DENND2A: variants seen among roughly 807,000 people sequenced by gnomAD.
DENND2A encodes the protein DENN domain containing 2A, also known as DENN domain-containing protein 2A.
In DENND2A, 53 loss-of-function variants were observed where a neutral mutation model predicts 105.3. The observed-to-expected ratio is 0.50, with a 90% confidence interval of 0.40 to 0.63. The LOEUF (loss-of-function observed/expected upper bound fraction) is 0.63, where lower values mean the gene tolerates loss of function less well. DENND2A is among the 30% of genes least tolerant of loss of function. The pLI is 0.00. For synonymous variants in DENND2A, 522 were observed against 508.4 expected (o/e 1.03, Z -0.36); for missense variants, 1,138 against 1,279.6 (o/e 0.89, Z 1.69).
At chr7:140,594,576 C>T (rs955946556) in intron 3 of DENND2A, among the ~76,000 whole-genome samples, 1 of 152,196 alleles carries the variant, frequency 6.6e-6, no homozygotes, top group Non-Finnish European at 1.5e-5. Context: ...GTTATGATCA[C>T]GACACCAGCT....
intron 5 of DENND2A, among the ~76,000 whole-genome samples, chr7:140,575,277 G>T (rs117550186): frequency 0.023 from 3,545 of 152,206 alleles, 52 homozygotes; most frequent in South Asian, 0.043. Context: ...CTCCATTAAA[G>T]AAACATTTTT....
chr7:140,628,333 T>A lies in DENND2A; in HGVS notation c.-248+12171A>T, dbSNP rs1042926948. 2.6e-5 allele frequency among the ~76,000 whole-genome samples: 4 copies of A among 152,190 alleles called. 1 individual carries two copies. The highest frequency in any genetic ancestry group is 9.7e-5 in the African/African-American group (4 of 41,446). On this transcript the variant is annotated intron_variant, in intron 1 of 19. Transcript: ENST00000496613. ...TGTTAGTCCTCAGTTGCACTGGCTATGGTGCCAACTGTGAAAGTAAGGCGG... is the reference window on the plus strand; with the variant it reads ...TGTTAGTCCTCAGTTGCACTGGCTAAGGTGCCAACTGTGAAAGTAAGGCGG...
intron 1 of DENND2A, among the ~76,000 whole-genome samples, chr7:140,635,294 G>GTAAA (rs1257549501): frequency 6.9e-4 from 105 of 152,110 alleles, no homozygotes; most frequent in African/African-American, 2.3e-3. Context: ...AAATAAATAA[G>GTAAA]TAAATGTTTT....
At chr7:140,553,534 C>T (rs1238233961) in intron 12 of DENND2A, among the ~76,000 whole-genome samples, 5 of 152,256 alleles carry the variant, frequency 3.3e-5, no homozygotes, top group African/African-American at 7.2e-5. Context: ...TTATGGGTGT[C>T]GGGCTGGGGG....
At chr7:140,632,458 A>G (rs1036646770) in intron 1 of DENND2A, among the ~76,000 whole-genome samples, 1 of 152,222 alleles carries the variant, frequency 6.6e-6, no homozygotes, top group African/African-American at 2.4e-5. Context: ...AGGAGAATGA[A>G]TGAGCATATC....
rs1159498842 is a variant in DENND2A at position 140,561,618 on chromosome 7, C to T, written c.1780-1801G>A. Among the ~76,000 whole-genome samples the T allele has an allele frequency of 2.7e-5, 4 of 150,348 alleles. No individual in the cohort carries two copies. The East Asian group carries it at 7.8e-4, about 29-fold the overall frequency. Reference sequence around the variant, plus strand: ...TCATGGGTTCAAGTGATTCTCCTGCCTCAGCCTCCCGAGTAGCTGGGATTA... The same window carrying T: ...TCATGGGTTCAAGTGATTCTCCTGCTTCAGCCTCCCGAGTAGCTGGGATTA... On this transcript the variant is annotated intron_variant, in intron 9 of 19. Coordinates refer to ENST00000496613, the MANE Select transcript of DENND2A (RefSeq NM_015689.5).
chr7:140,522,534 G>A (rs1795899310), intron 17 of DENND2A, among the ~76,000 whole-genome samples: 1 of 151,984 alleles, frequency 6.6e-6, no homozygotes, highest in African/African-American at 2.4e-5. Flanking sequence ...AGCTGGTCTC[G>A]AACTTCTGAA....
chr7:140,601,029 G>A (rs1209170065), intron 3 of DENND2A, among the ~76,000 whole-genome samples: 1 of 152,144 alleles, frequency 6.6e-6, no homozygotes, highest in African/African-American at 2.4e-5. Context: ...TATTTCTAAA[G>A]CCCACACCAA....
At chr7:140,544,817 G>A in intron 13 of DENND2A, 51 bp from the exon 14 acceptor site, 1 of 1,549,908 alleles carries the variant, frequency 6.5e-7, no homozygotes, top group Non-Finnish European at 8.7e-7. Flanking sequence ...TACGCAGCCA[G>A]GCCTCTCACG....
At chr7:140,620,669 C>A (rs933119423) in intron 1 of DENND2A, among the ~76,000 whole-genome samples, 1 of 152,230 alleles carries the variant, frequency 6.6e-6, no homozygotes, top group Non-Finnish European at 1.5e-5. Context: ...GCAGCCACGA[C>A]CACAGCTGCA....
intron 8 of DENND2A, 81 bp from the exon 9 acceptor site, chr7:140,567,354 G>T: frequency 8.1e-7 from 1 of 1,241,596 alleles, no homozygotes; most frequent in Non-Finnish European, 1.1e-6. Context: ...GACAGAGTGA[G>T]CAAAGAGCCT....
intron 18 of DENND2A, 132 bp from the exon 19 acceptor site, chr7:140,519,850 A>G (rs961643114): frequency 2.1e-5 from 16 of 771,640 alleles, no homozygotes; most frequent in Middle Eastern, 2.4e-4. Context: ...CATGCTCTGA[A>G]TCAGGAGGTT....
intron 1 of DENND2A, among the ~76,000 whole-genome samples, chr7:140,608,837 G>A (rs1324627949): frequency 6.6e-6 from 1 of 152,176 alleles, no homozygotes; most frequent in Non-Finnish European, 1.5e-5. Context: ...TGGGGGATCA[G>A]TTCCAGTCAA....
At chr7:140,605,341 A>T (rs1799651963) in intron 2 of DENND2A, among the ~76,000 whole-genome samples, 1 of 152,216 alleles carries the variant, frequency 6.6e-6, no homozygotes, top group South Asian at 2.1e-4. Context: ...CGCTGGTATT[A>T]GATGGGAAAA....
At chr7:140,592,309 C>T (rs1355245509) in intron 3 of DENND2A, among the ~76,000 whole-genome samples, 3 of 151,692 alleles carry the variant, frequency 2.0e-5, no homozygotes, top group Admixed American at 6.6e-5. Flanking sequence ...TCGGTTCACA[C>T]CATTCTCCTG....
In DENND2A at chr7:140,569,682, C is replaced by T; in HGVS notation, c.1503G>A (p.Lys501=). 2 of 1,613,984 alleles carry T rather than the reference C, an allele frequency of 1.2e-6. No homozygotes were observed. The highest frequency in any genetic ancestry group is 1.7e-5 in the Admixed American group (1 of 60,026). Residue 501 remains lysine (K), a synonymous_variant, in exon 7 of 20, where the codon AAG becomes AAA. Coordinates refer to ENST00000496613, the MANE Select transcript of DENND2A (RefSeq NM_015689.5). ...YEVRRGKKRV[K]RLSQSMESNS... is the part of the protein sequence containing the mutation. ...TGCTCTCCATTGACTGGGACAGCCT[C>T]TTCACCCGTTTCTTTCCTCTCCGGA...
rs564521372 is a variant in DENND2A, at chr7:140,631,327, G to A, written c.-248+9177C>T. ...TCCCAAAAGGAGCATTCTCTTTCTC[G>A]TTTTCTCTGACAAATTGGCAGCCTG... On this transcript the variant is annotated intron_variant, in intron 1 of 19. Transcript: ENST00000496613. Among the ~76,000 whole-genome samples, 6 of 152,250 alleles carry A rather than the reference G, an allele frequency of 3.9e-5. No homozygotes were observed. In the South Asian group the frequency reaches 1.0e-3, roughly 26 times the overall value.
Position 140,521,952 on chromosome 7 carries a change from G to T in DENND2A, c.2814C>A (p.Ser938=). 1.9e-6 allele frequency: 3 copies of T among 1,614,140 alleles called. No homozygotes were observed. The East Asian group carries it at 6.7e-5, about 36-fold the overall frequency. The change falls in exon 18 of 20, where the codon TCC becomes TCA. Residue 938 remains serine, a synonymous_variant. Transcript: ENST00000496613. ...LQREAFRKAV[S]SKSLRHFLEV... is the part of the protein sequence containing the mutation. ...CCAGGAAGTGGCGGAGGCTCTTGGAGGAGACAGCTTTGCGGAAGGCCTCCC... is the reference window on the plus strand; with the variant it reads ...CCAGGAAGTGGCGGAGGCTCTTGGATGAGACAGCTTTGCGGAAGGCCTCCC...
At chr7:140,561,067 AG>A (rs1797596213) in intron 9 of DENND2A, among the ~76,000 whole-genome samples, 1 of 152,170 alleles carries the variant, frequency 6.6e-6, no homozygotes, top group Non-Finnish European at 1.5e-5. Context: ...TTAGAGCCAG[AG>A]TCTTGCTGTG....
Sources: gnomAD v4.1 joint callset for allele counts (sites outside exome capture counted in the v4.1 genomes callset) on GRCh38, gnomAD v4.1.1 for gene constraint, MANE v1.5 for transcripts, NCBI Gene and HGNC (gene_info 2026-07-23, HGNC 2026-07-21) for gene names.